DBX2: variants seen among roughly 807,000 people sequenced by gnomAD.
The protein encoded by DBX2 is developing brain homeobox 2.
DBX2 carries 16 observed loss-of-function variants against 17.7 expected under a neutral mutation model. The ratio of observed to expected loss-of-function variants is 0.90; its 90% confidence interval spans 0.61 to 1.37. The LOEUF (loss-of-function observed/expected upper bound fraction) is 1.37, where lower values mean the gene tolerates loss of function less well. DBX2 is among the 40% of genes most tolerant of loss of function. The pLI is 0.00. For missense variants in DBX2, 538 were observed against 433.8 expected (o/e 1.24, Z -2.13); for synonymous variants, 255 against 183.8 (o/e 1.39, Z -3.13).
At chr12:45,027,069 G>A (rs919087188) in intron 2 of DBX2, among the ~76,000 whole-genome samples, 6 of 152,260 alleles carry the variant, frequency 3.9e-5, no homozygotes, top group South Asian at 2.1e-4. Context: ...TACTAAGTGC[G>A]TTTCTTCTCT....
intron 1 of DBX2, among the ~76,000 whole-genome samples, chr12:45,045,264 T>C (rs563893543): frequency 5.3e-5 from 8 of 152,320 alleles, no homozygotes; most frequent in Admixed American, 4.6e-4. Flanking sequence ...AAACTTTACT[T>C]AGAGCTTCTT....
intron 1 of DBX2, among the ~76,000 whole-genome samples, chr12:45,039,878 G>C (rs1367045829): frequency 3.5e-5 from 5 of 144,062 alleles, no homozygotes; most frequent in Non-Finnish European, 7.4e-5. Flanking sequence ...TTCCATGAGA[G>C]AGAAAAAAAA....
At chr12:45,019,744 G>C (rs1342300892) in intron 3 of DBX2, among the ~76,000 whole-genome samples, 4 of 152,058 alleles carry the variant, frequency 2.6e-5, no homozygotes, top group Non-Finnish European at 5.9e-5. Flanking sequence ...TGTATGTACT[G>C]ACATGGAAGG....
intron 3 of DBX2, among the ~76,000 whole-genome samples, chr12:45,022,311 T>TTTG (rs1451609440): frequency 1.3e-4 from 18 of 139,342 alleles, no homozygotes; most frequent in African/African-American, 4.5e-4. Context: ...TTTTTTTTTT[T>TTTG]TTTTTTTTTT....
At chr12:45,043,147 A>G (rs763712737) in intron 1 of DBX2, among the ~76,000 whole-genome samples, 59 of 152,160 alleles carry the variant, frequency 3.9e-4, no homozygotes, top group Non-Finnish European at 6.6e-4. Flanking sequence ...TGTATCTGAT[A>G]TTGGTTATCT....
intron 2 of DBX2, among the ~76,000 whole-genome samples, chr12:45,027,710 T>C (rs1204327468): frequency 6.6e-6 from 1 of 152,248 alleles, no homozygotes; most frequent in African/African-American, 2.4e-5. Flanking sequence ...ATTGTGTTAT[T>C]GCATTGTAGC....
Position 45,016,366 on chromosome 12 carries a change from C to T in DBX2, c.940G>A (p.Ala314Thr). The T allele has an allele frequency of 6.2e-7, 1 of 1,613,254 alleles. No homozygotes were observed. The highest frequency in any genetic ancestry group is 8.5e-7 in the Non-Finnish European group (1 of 1,179,728). Residue 314 changes from alanine to threonine, a missense_variant, in exon 4 of 4, where the codon GCA becomes ACA. Physicochemically the swap from Ala to Thr is moderately conservative, Grantham distance 58. Transcript: ENST00000332700. The part of the protein sequence containing the change: ...QESSGAPPPE[A>T]NSLQGALYLC... ...TATAAGGCACCTTGCAGTGAATTTG[C>T]TTCTGGGGGTGGTGCCCCTGAACTC...
chr12:45,019,308 G>T (rs995832141), intron 3 of DBX2, among the ~76,000 whole-genome samples: 2 of 151,944 alleles, frequency 1.3e-5, no homozygotes, highest in African/African-American at 4.8e-5. Context: ...TAGAAAAAAA[G>T]ATGCAGCCAT....
chr12:45,039,481 T>C (rs1946459694), intron 1 of DBX2, among the ~76,000 whole-genome samples: 1 of 151,496 alleles, frequency 6.6e-6, no homozygotes, highest in African/African-American at 2.4e-5. Flanking sequence ...GAAAAGGTAA[T>C]TTGATCCTAG....
intron 2 of DBX2, among the ~76,000 whole-genome samples, chr12:45,035,017 A>T (rs923438663): frequency 2.0e-5 from 3 of 152,220 alleles, no homozygotes; most frequent in African/African-American, 7.2e-5. Flanking sequence ...CTCTGTGGGA[A>T]AGTATCAGCC....
intron 3 of DBX2, among the ~76,000 whole-genome samples, chr12:45,023,389 C>G (rs1271491296): frequency 6.6e-6 from 1 of 152,160 alleles, no homozygotes; most frequent in Non-Finnish European, 1.5e-5. Context: ...GTAATTACCA[C>G]ATCCTTAGCA....
At position 45,016,274 on chromosome 12, in the gene DBX2, G is replaced by T; in HGVS notation, c.*12C>A. ...AGCGTTCTTTTAAATGAACACGGAGGAATGCTTCCATTCAGACAGCCCCAG... is the reference window on the plus strand; with the variant it reads ...AGCGTTCTTTTAAATGAACACGGAGTAATGCTTCCATTCAGACAGCCCCAG... On this transcript the variant is annotated 3_prime_UTR_variant, in exon 4 of 4. Coordinates refer to ENST00000332700, the MANE Select transcript of DBX2 (RefSeq NM_001004329.3). The T allele has an allele frequency of 6.5e-7, 1 of 1,539,606 alleles. No individual in the cohort carries two copies. Among genetic ancestry groups the T allele is most frequent in the South Asian group, 1.3e-5 (1 of 77,026 alleles).
chr12:45,032,872 T>C (rs1361990480), intron 2 of DBX2, among the ~76,000 whole-genome samples: 1 of 152,258 alleles, frequency 6.6e-6, no homozygotes, highest in Non-Finnish European at 1.5e-5. Context: ...TCCTACACTT[T>C]AAGTAATTTT....
At chr12:45,035,744 G>C (rs1454151269) in intron 2 of DBX2, among the ~76,000 whole-genome samples, 2 of 151,974 alleles carry the variant, frequency 1.3e-5, no homozygotes, top group East Asian at 1.9e-4. Context: ...AAGCCAAACT[G>C]GTCCCTCCGA....
At chr12:45,029,458 A>C (rs1048201688) in intron 2 of DBX2, among the ~76,000 whole-genome samples, 2 of 152,268 alleles carry the variant, frequency 1.3e-5, no homozygotes, top group African/African-American at 4.8e-5. Context: ...CACACATCAA[A>C]GCAGAGGGAG....
chr12:45,017,227 A>T (rs1237155123), intron 3 of DBX2, among the ~76,000 whole-genome samples: 9 of 152,202 alleles, frequency 5.9e-5, no homozygotes, highest in Non-Finnish European at 1.3e-4. Flanking sequence ...TCTGTGCTGA[A>T]TTATTTATTC....
rs181210759 is a variant in DBX2 at position 45,042,353 on chromosome 12, G to A, written c.404-6239C>T. Among the ~76,000 whole-genome samples, 25 of 152,286 alleles carry A rather than the reference G, an allele frequency of 1.6e-4. No homozygotes were observed. The East Asian group carries it at 4.3e-3, about 26-fold the overall frequency. ...AAGCCTTGTTCAAAGAAGGCTTTAAGCAGGAGAAACATCTTAATCAGGGCC... is the reference window on the plus strand; with the variant it reads ...AAGCCTTGTTCAAAGAAGGCTTTAAACAGGAGAAACATCTTAATCAGGGCC... On this transcript the variant is annotated intron_variant, in intron 1 of 3. Transcript: ENST00000332700.
chr12:45,036,035 G>T lies in DBX2; in HGVS notation c.483C>A (p.Ser161=). ...CCGGSCRRPA[S]STAFPREESM... is the part of the protein sequence containing the mutation. ...AAAACTTACTTGGAAAAGCAGTGGAGGATGCAGGGCGCCGACAGGACCCAC... is the reference window on the plus strand; with the variant it reads ...AAAACTTACTTGGAAAAGCAGTGGATGATGCAGGGCGCCGACAGGACCCAC... Residue 161 remains serine, a synonymous_variant, in exon 2 of 4, where the codon TCC becomes TCA. Coordinates refer to ENST00000332700, the MANE Select transcript of DBX2 (RefSeq NM_001004329.3). The T allele has an allele frequency of 1.2e-6, 2 of 1,613,392 alleles. No homozygotes were observed. The highest frequency in any genetic ancestry group is 1.7e-6 in the Non-Finnish European group (2 of 1,179,752).
intron 3 of DBX2, among the ~76,000 whole-genome samples, chr12:45,019,298 T>C (rs984172876): frequency 2.0e-5 from 3 of 151,638 alleles, no homozygotes; most frequent in Non-Finnish European, 4.4e-5. Context: ...GACAATATGA[T>C]AGAAAAAAAG....
Sources: gnomAD v4.1 joint callset for allele counts (sites outside exome capture counted in the v4.1 genomes callset) on GRCh38, gnomAD v4.1.1 for gene constraint, MANE v1.5 for transcripts, NCBI Gene and HGNC (gene_info 2026-07-23, HGNC 2026-07-21) for gene names.